Variants in TMEM132C observed in about 807,000 individuals in gnomAD.
TMEM132C encodes the protein transmembrane protein 132C.
Under a neutral mutation model 61.4 loss-of-function variants are expected in TMEM132C, and 29 were observed. The observed-to-expected ratio is 0.47, with a 90% CI of 0.35 to 0.64. TMEM132C has a LOEUF of 0.64. TMEM132C is among the 30% of genes least tolerant of loss of function. TMEM132C has a pLI of 0.00. For synonymous variants in TMEM132C, 656 were observed against 633.1 expected, an observed-to-expected ratio of 1.04 and a Z score of -0.54; for missense variants, 1,408 against 1,476.9, an observed-to-expected ratio of 0.95 and a Z score of 0.76.
At chr12:128,593,244 TTCTTA>T (rs1357881689) in intron 3 of TMEM132C, among the ~76,000 whole-genome samples, 1 of 144,364 alleles carries the variant, frequency 6.9e-6, no homozygotes, top group Non-Finnish European at 1.5e-5. Flanking sequence ...TTTCTGTCCT[TTCTTA>T]TCTTCTCTCT....
chr12:128,528,681 C>T (rs933258561), intron 2 of TMEM132C, among the ~76,000 whole-genome samples: 7 of 152,106 alleles, frequency 4.6e-5, no homozygotes, highest in African/African-American at 9.7e-5. Flanking sequence ...AGCCTCCACC[C>T]GCTGAATACC....
intron 1 of TMEM132C, among the ~76,000 whole-genome samples, chr12:128,399,791 G>A (rs1224787652): frequency 2.0e-5 from 3 of 151,300 alleles, no homozygotes; most frequent in Admixed American, 2.0e-4. Flanking sequence ...TTTTTTTTAT[G>A]TTTGTATGTC....
chr12:128,383,183 C>T (rs189809632), intron 1 of TMEM132C, among the ~76,000 whole-genome samples: 8 of 151,982 alleles, frequency 5.3e-5, no homozygotes, highest in African/African-American at 7.2e-5. Flanking sequence ...TCAGTGTGTG[C>T]GCATGTGCAC....
intron 1 of TMEM132C, among the ~76,000 whole-genome samples, chr12:128,392,052 GTCTCTCTCTCTTTCTCTCTC>G (rs1377431897): frequency 1.3e-4 from 16 of 125,550 alleles, no homozygotes; most frequent in African/African-American, 4.2e-4. Flanking sequence ...CTCTGTCTCT[GTCTCTCTCTCTTTCTCTCTC>G]TCTCTCTCTC....
At chr12:128,460,499 C>T (rs555706065) in intron 2 of TMEM132C, among the ~76,000 whole-genome samples, 1 of 152,154 alleles carries the variant, frequency 6.6e-6, no homozygotes, top group African/African-American at 2.4e-5. Flanking sequence ...CTGTGAATGA[C>T]TTTACCTGGC....
intron 1 of TMEM132C, among the ~76,000 whole-genome samples, chr12:128,409,561 C>T (rs1246125544): frequency 6.6e-6 from 1 of 152,128 alleles, no homozygotes; most frequent in East Asian, 1.9e-4. Context: ...CCCAGAGACT[C>T]CCCAGTTTTA....
At chr12:128,467,599 C>G (rs1203991295) in intron 2 of TMEM132C, among the ~76,000 whole-genome samples, 1 of 152,136 alleles carries the variant, frequency 6.6e-6, no homozygotes, top group Non-Finnish European at 1.5e-5. Context: ...CTCTCCATCT[C>G]GCAGTAGCAG....
intron 5 of TMEM132C, among the ~76,000 whole-genome samples, chr12:128,677,441 C>T (rs1954600024): frequency 6.6e-6 from 1 of 151,872 alleles, no homozygotes; most frequent in Admixed American, 6.6e-5. Flanking sequence ...TGATGGGCGA[C>T]ATGAATAGGA....
At chr12:128,340,793 C>CTT (rs1565905957) in intron 1 of TMEM132C, among the ~76,000 whole-genome samples, 113 of 129,696 alleles carry the variant, frequency 8.7e-4, no homozygotes, top group African/African-American at 4.3e-3. Flanking sequence ...CTCTCTCTCT[C>CTT]TCTCTCTTTC....
chr12:128,658,175 G>A (rs1954347356), intron 4 of TMEM132C, among the ~76,000 whole-genome samples: 1 of 123,528 alleles, frequency 8.1e-6, no homozygotes, highest in Non-Finnish European at 1.8e-5. Context: ...TCCCATGGAG[G>A]CCACAAGGCA....
intron 3 of TMEM132C, among the ~76,000 whole-genome samples, chr12:128,597,716 A>T (rs1393726257): frequency 6.6e-6 from 1 of 152,262 alleles, no homozygotes; most frequent in Admixed American, 6.5e-5. Context: ...ATAGAAAATG[A>T]ACAAAGGAAA....
At chr12:128,594,618 C>T (rs369794967) in intron 3 of TMEM132C, among the ~76,000 whole-genome samples, 1 of 152,158 alleles carries the variant, frequency 6.6e-6, no homozygotes, top group African/African-American at 2.4e-5. Context: ...ACAGCTGTCA[C>T]GGTTGCTTTG....
chr12:128,607,201 A>G (rs972600928), intron 3 of TMEM132C, among the ~76,000 whole-genome samples: 31 of 152,182 alleles, frequency 2.0e-4, no homozygotes, highest in African/African-American at 7.5e-4. Context: ...CAATGATCCT[A>G]AAGCAGGAAT....
chr12:128,550,760 G>T (rs1431783598), intron 3 of TMEM132C, among the ~76,000 whole-genome samples: 2 of 152,208 alleles, frequency 1.3e-5, no homozygotes, highest in African/African-American at 4.8e-5. Context: ...GAACAATTCA[G>T]TCTGTAATCA....
At chr12:128,298,935 CTT>C (rs560947973) in intron 1 of TMEM132C, among the ~76,000 whole-genome samples, 15 of 152,202 alleles carry the variant, frequency 9.9e-5, no homozygotes, top group African/African-American at 3.6e-4. Flanking sequence ...TGTTTTTTCT[CTT>C]TTATTTGGTT....
intron 2 of TMEM132C, among the ~76,000 whole-genome samples, chr12:128,482,719 G>C (rs1001799981): frequency 6.6e-6 from 1 of 152,014 alleles, no homozygotes; most frequent in African/African-American, 2.4e-5. Flanking sequence ...ATGTGTCCAG[G>C]AATTTATCCA....
chr12:128,558,572 C>T (rs141801858), intron 3 of TMEM132C, among the ~76,000 whole-genome samples: 23 of 152,322 alleles, frequency 1.5e-4, no homozygotes, highest in African/African-American at 3.6e-4. Flanking sequence ...TCATAAGTCT[C>T]GGGTATGTCT....
At chr12:128,691,404 C>T (rs1394905342) in intron 5 of TMEM132C, among the ~76,000 whole-genome samples, 2 of 152,228 alleles carry the variant, frequency 1.3e-5, no homozygotes, top group Non-Finnish European at 2.9e-5. Context: ...AAGGGAAGGC[C>T]CTGCTCATCC....
intron 2 of TMEM132C, among the ~76,000 whole-genome samples, chr12:128,525,579 A>C (rs1873059868): frequency 6.6e-6 from 1 of 152,308 alleles, no homozygotes; most frequent in Non-Finnish European, 1.5e-5. Flanking sequence ...CACAGGGCTG[A>C]TCTGAGTTTT....
Sources: allele counts gnomAD v4.1 joint callset (sites outside exome capture counted in the v4.1 genomes callset), GRCh38; gene constraint gnomAD v4.1.1; transcripts MANE v1.5; gene names NCBI Gene and HGNC (gene_info 2026-07-23, HGNC 2026-07-21).